The following SH3PXD2A variants were observed in gnomAD, a reference collection of about 807,000 sequenced individuals.
The protein encoded by SH3PXD2A is SH3 and PX domains 2A.
SH3PXD2A carries 32 observed loss-of-function variants against 115.2 expected under a neutral mutation model. The observed-to-expected ratio is 0.28, with a 90% CI of 0.21 to 0.37. The LOEUF (loss-of-function observed/expected upper bound fraction) is 0.37, where lower values mean the gene tolerates loss of function less well. Ranked by LOEUF, SH3PXD2A falls within the 10% of genes least tolerant of loss-of-function variation. The pLI is 1.00. For synonymous variants in SH3PXD2A, 610 were observed against 629.1 expected, an observed-to-expected ratio of 0.97 and a Z score of 0.45; for missense variants, 1,328 against 1,498.7, an observed-to-expected ratio of 0.89 and a Z score of 1.88.
At chr10:103,728,208 T>C (rs2038266675) in intron 4 of SH3PXD2A, among the ~76,000 whole-genome samples, 1 of 152,238 alleles carries the variant, frequency 6.6e-6, no homozygotes, top group Admixed American at 6.5e-5. Context: ...TGTGTGAGGC[T>C]GGATGCATTA....
chr10:103,768,689 A>T (rs533967761), intron 2 of SH3PXD2A, among the ~76,000 whole-genome samples: 1 of 152,310 alleles, frequency 6.6e-6, no homozygotes, highest in South Asian at 2.1e-4. Context: ...ACCAGTTAGG[A>T]TCCTACTGAA....
At position 103,640,381 on chromosome 10, in the gene SH3PXD2A, A is replaced by AG. The variant is rs201342641; in HGVS notation, c.605-13180dup. ...CTGAGGAGGGTGTGGCACAGGGAGG[A>AG]GGGGTCTCCTGGGCTCCTGTCTGCA... is the stretch of plus-strand genomic sequence containing the variant. On this transcript the variant is annotated intron_variant, in intron 8 of 14. Transcript: ENST00000369774. 5.2e-3 allele frequency among the ~76,000 whole-genome samples: 787 copies of AG among 151,584 alleles called. 6 individuals are homozygous for AG. The highest frequency in any genetic ancestry group is 0.018 in the African/African-American group (726 of 41,300).
intron 3 of SH3PXD2A, among the ~76,000 whole-genome samples, chr10:103,755,935 T>G (rs963111911): frequency 2.6e-5 from 4 of 152,210 alleles, no homozygotes; most frequent in Non-Finnish European, 4.4e-5. Flanking sequence ...CAGGCCACCC[T>G]GTCCCTGACA....
rs1026143901 is a variant in SH3PXD2A, at chr10:103,666,853, G to A, written c.472+1755C>T. On this transcript the variant is annotated intron_variant, in intron 7 of 14. Transcript: ENST00000369774. This position sits in a 1 kb window ranked among gnomAD's most constrained non-coding sequence, Gnocchi z 4.5. ...TCCTTCGTGGGCTCACCAGCAGGCA[G>A]CTCGGTGCCAGGGCTGCAGGTGCCA... 3.3e-5 allele frequency among the ~76,000 whole-genome samples: 5 copies of A among 152,232 alleles called. No individual in the cohort carries two copies. Among genetic ancestry groups the A allele is most frequent in the African/African-American group, 1.2e-4 (5 of 41,446 alleles).
At chr10:103,794,400 A>T (rs970702223) in intron 2 of SH3PXD2A, among the ~76,000 whole-genome samples, 2 of 152,232 alleles carry the variant, frequency 1.3e-5, no homozygotes, top group Admixed American at 6.5e-5. Context: ...CAATAGCAGC[A>T]TGGTGGAGTC....
At chr10:103,728,166 A>G (rs1488795862) in intron 4 of SH3PXD2A, among the ~76,000 whole-genome samples, 3 of 152,240 alleles carry the variant, frequency 2.0e-5, no homozygotes, top group African/African-American at 7.2e-5. Context: ...AGGCAGATGC[A>G]GGTTTGGGTC....
intron 5 of SH3PXD2A, among the ~76,000 whole-genome samples, chr10:103,700,134 T>C (rs984378994): frequency 1.3e-5 from 2 of 152,246 alleles, no homozygotes; most frequent in Admixed American, 1.3e-4. Context: ...TAAGTGTGTC[T>C]TCAGCCACAG....
rs1331261756 is a variant in SH3PXD2A, at chr10:103,622,531, A to G, written c.741T>C (p.His247=). The G allele has an allele frequency of 3.9e-6, 6 of 1,549,892 alleles. No individual in the cohort carries two copies. Among genetic ancestry groups the G allele is most frequent in the Non-Finnish European group, 5.2e-6 (6 of 1,146,626 alleles). ...TCCACCGGCGATCCAGGCGCCGCAG[A>G]TGGGCCTTGCGTCTCTTGGACACTG... ...TGEVSKRRKA[H]LRRLDRRWTL... is the part of the protein sequence containing the mutation. Residue 247 remains histidine, a synonymous_variant, in exon 10 of 15, where the codon CAT becomes CAC. Coordinates refer to ENST00000369774, the MANE Select transcript of SH3PXD2A (RefSeq NM_001394015.1).
chr10:103,704,330 G>A (rs547297102), intron 5 of SH3PXD2A, among the ~76,000 whole-genome samples: 2 of 152,040 alleles, frequency 1.3e-5, no homozygotes, highest in Non-Finnish European at 2.9e-5. Flanking sequence ...TCAGGGGGAG[G>A]GGGGAGCAAG....
At chr10:103,719,981 A>G (rs1196661511) in intron 5 of SH3PXD2A, among the ~76,000 whole-genome samples, 1 of 152,058 alleles carries the variant, frequency 6.6e-6, no homozygotes, top group Non-Finnish European at 1.5e-5. Context: ...TGGGCTCCCA[A>G]AGTGCTGGGA....
intron 2 of SH3PXD2A, among the ~76,000 whole-genome samples, chr10:103,791,156 A>T (rs1327293493): frequency 6.6e-6 from 1 of 152,176 alleles, no homozygotes; most frequent in South Asian, 2.1e-4. Context: ...AATTTTCCCC[A>T]GTTTACAAAA....
chr10:103,616,063 T>C (rs1429275040), intron 11 of SH3PXD2A, among the ~76,000 whole-genome samples: 1 of 151,226 alleles, frequency 6.6e-6, no homozygotes, highest in Non-Finnish European at 1.5e-5. Flanking sequence ...GGGGGTGTGG[T>C]GCGTGCCATG....
intron 1 of SH3PXD2A, among the ~76,000 whole-genome samples, chr10:103,854,448 T>A (rs1431236727): frequency 6.6e-6 from 1 of 152,062 alleles, no homozygotes; most frequent in Non-Finnish European, 1.5e-5. Flanking sequence ...GCTGCCCCAG[T>A]CAACCTTAAC....
rs1453005112 is a variant in SH3PXD2A, at chr10:103,598,952, AT to A, written c.*2863del. On this transcript the variant is annotated 3_prime_UTR_variant, in exon 15 of 15. Coordinates refer to ENST00000369774, the MANE Select transcript of SH3PXD2A (RefSeq NM_001394015.1). ...ATGGCAATCCCTGTTCACTGCCCAA[AT>A]CTACATGCTGTCACCAGATGGCAGC... 2.0e-5 allele frequency: 3 copies of A among 152,580 alleles called. No individual in the cohort carries two copies. The highest frequency in any genetic ancestry group is 2.0e-4 in the Admixed American group (3 of 15,280). The allele number at this position is 152,580 out of a possible 1,614,324, so 9.5% of individuals were successfully genotyped here.
intron 8 of SH3PXD2A, among the ~76,000 whole-genome samples, chr10:103,642,891 C>T (rs1190761647): frequency 6.6e-6 from 1 of 152,196 alleles, no homozygotes; most frequent in Non-Finnish European, 1.5e-5. Context: ...GACTTGGTTT[C>T]AACTAAAAGC....
chr10:103,727,331 T>C (rs997244100), intron 4 of SH3PXD2A, among the ~76,000 whole-genome samples: 1 of 150,974 alleles, frequency 6.6e-6, no homozygotes, highest in Non-Finnish European at 1.5e-5. Context: ...TTGGGAAGGG[T>C]AGAAGGAAAA....
chr10:103,623,867 C>T (rs1432439606), intron 9 of SH3PXD2A, among the ~76,000 whole-genome samples: 1 of 152,214 alleles, frequency 6.6e-6, no homozygotes, highest in East Asian at 1.9e-4. Context: ...TGTAGGGCTT[C>T]TCTGCAGAGA....
intron 5 of SH3PXD2A, among the ~76,000 whole-genome samples, chr10:103,720,345 G>A (rs2038166820): frequency 1.3e-5 from 2 of 152,234 alleles, no homozygotes; most frequent in Admixed American, 1.3e-4. Flanking sequence ...AGGGCCAGTG[G>A]TCTGGAAGAG....
chr10:103,834,672 G>A (rs541074600), intron 1 of SH3PXD2A, among the ~76,000 whole-genome samples: 32 of 152,236 alleles, frequency 2.1e-4, no homozygotes, highest in Non-Finnish European at 4.3e-4. Context: ...AGCACCTGCT[G>A]TCTCTGGTAT....
Sources: gnomAD v4.1 joint callset for allele counts (sites outside exome capture counted in the v4.1 genomes callset) on GRCh38, gnomAD v4.1.1 for gene constraint, Gnocchi (gnomAD v3.1) non-coding constraint, MANE v1.5 for transcripts, NCBI Gene and HGNC (gene_info 2026-07-23, HGNC 2026-07-21) for gene names.